Variants in NRG3 observed in about 807,000 individuals in gnomAD.
The protein encoded by NRG3 is pro-neuregulin-3, membrane-bound isoform.
A neutral mutation model predicts 66.9 loss-of-function variants in NRG3; 31 were observed. That is an observed-to-expected ratio of 0.46 (90% CI 0.35 to 0.63). The LOEUF (loss-of-function observed/expected upper bound fraction) is 0.63, where lower values mean the gene tolerates loss of function less well. Ranked by LOEUF, NRG3 falls within the 20% of genes least tolerant of loss-of-function variation. The probability of loss-of-function intolerance (pLI) is 0.00; values close to 1 mark genes in which losing one functional copy is unlikely to be tolerated. For synonymous variants in NRG3, 393 were observed against 359.4 expected (o/e 1.09, Z -1.06); for missense variants, 910 against 878.9 (o/e 1.04, Z -0.45).
chr10:82,871,903 CCTTTT>C (rs1841379755), intron 4 of NRG3, among the ~76,000 whole-genome samples: 1 of 151,976 alleles, frequency 6.6e-6, no homozygotes. Flanking sequence ...CATTTTGTTT[CCTTTT>C]CTTATCTTAT....
At chr10:82,256,656 C>T (rs1457482737) in intron 1 of NRG3, among the ~76,000 whole-genome samples, 1 of 152,184 alleles carries the variant, frequency 6.6e-6, no homozygotes, top group African/African-American at 2.4e-5. Flanking sequence ...TCCTAATTCT[C>T]TTCTGAAAAT....
intron 1 of NRG3, among the ~76,000 whole-genome samples, chr10:82,102,119 TATATATGTGTATTC>T (rs1197876547): frequency 0.07 from 1,231 of 17,472 alleles, 38 homozygotes; most frequent in Admixed American, 0.12. Flanking sequence ...TATTCATATA[TATATATGTGTATTC>T]ATATATATAT....
chr10:82,582,798 A>G (rs1291632844), intron 2 of NRG3, among the ~76,000 whole-genome samples: 1 of 152,098 alleles, frequency 6.6e-6, no homozygotes, highest in Non-Finnish European at 1.5e-5. Context: ...TTTATATAGC[A>G]TCATGGTCAA....
intron 1 of NRG3, among the ~76,000 whole-genome samples, chr10:82,319,775 G>C (rs972941422): frequency 6.6e-6 from 1 of 152,182 alleles, no homozygotes; most frequent in African/African-American, 2.4e-5. Context: ...AGAGTGGGAG[G>C]AGCTGATGGA....
chr10:82,439,756 T>G (rs2090336344), intron 2 of NRG3, among the ~76,000 whole-genome samples: 1 of 152,044 alleles, frequency 6.6e-6, no homozygotes. Context: ...AAAATTAATT[T>G]GGTCATGGTG....
chr10:82,060,378 C>T (rs1589956592), intron 1 of NRG3, among the ~76,000 whole-genome samples: 1 of 152,094 alleles, frequency 6.6e-6, no homozygotes. Context: ...TTACTGTGTG[C>T]CATAAAGTGC....
intron 8 of NRG3, among the ~76,000 whole-genome samples, chr10:82,983,668 T>A (rs1196539040): frequency 2.0e-5 from 3 of 152,232 alleles, no homozygotes; most frequent in South Asian, 2.1e-4. Flanking sequence ...CAAGGTTTTT[T>A]AAAAATAAAA....
At chr10:82,895,498 T>TTG in intron 4 of NRG3, among the ~76,000 whole-genome samples, 1 of 150,806 alleles carries the variant, frequency 6.6e-6, no homozygotes, top group South Asian at 2.1e-4. Flanking sequence ...TTTTTTTTTT[T>TTG]TTTTTGAGAC....
At chr10:82,449,372 T>G (rs1235710086) in intron 2 of NRG3, among the ~76,000 whole-genome samples, 3 of 152,236 alleles carry the variant, frequency 2.0e-5, no homozygotes, top group Non-Finnish European at 4.4e-5. Context: ...GCCAGGTTTT[T>G]TGTTATCCTT....
chr10:82,670,710 TG>T (rs1267766038), intron 2 of NRG3, among the ~76,000 whole-genome samples: 1 of 152,108 alleles, frequency 6.6e-6, no homozygotes, highest in African/African-American at 2.4e-5. Flanking sequence ...TACATTTTCT[TG>T]GCTCTCTTCA....
chr10:82,687,565 T>A (rs2054608531), intron 2 of NRG3, among the ~76,000 whole-genome samples: 1 of 152,128 alleles, frequency 6.6e-6, no homozygotes, highest in South Asian at 2.1e-4. Context: ...TGGACTAAAT[T>A]CTGAAGAGTG....
intron 2 of NRG3, among the ~76,000 whole-genome samples, chr10:82,716,778 G>A (rs960598070): frequency 1.3e-5 from 2 of 152,212 alleles, no homozygotes; most frequent in African/African-American, 4.8e-5. Flanking sequence ...ACTGATTGCT[G>A]CTGATTGCAA....
intron 1 of NRG3, among the ~76,000 whole-genome samples, chr10:82,340,196 A>G (rs914473362): frequency 6.6e-6 from 1 of 152,164 alleles, no homozygotes; most frequent in Non-Finnish European, 1.5e-5. Flanking sequence ...CCAAATGAGA[A>G]CACCATAGAA....
At chr10:82,406,196 T>G (rs563532327) in intron 2 of NRG3, among the ~76,000 whole-genome samples, 20 of 152,350 alleles carry the variant, frequency 1.3e-4, no homozygotes, top group African/African-American at 4.8e-4. Context: ...TATTGCTGAT[T>G]CACATATGAA....
chr10:81,938,971 G>A (rs1417606204), intron 1 of NRG3, among the ~76,000 whole-genome samples: 1 of 151,868 alleles, frequency 6.6e-6, no homozygotes, highest in Non-Finnish European at 1.5e-5. Context: ...TCATGAAAGG[G>A]TACTTAATTT....
intron 3 of NRG3, among the ~76,000 whole-genome samples, chr10:82,852,756 A>G (rs2063624067): frequency 6.6e-6 from 1 of 152,234 alleles, no homozygotes; most frequent in Non-Finnish European, 1.5e-5. Context: ...CACATCGAAA[A>G]GGTTATCACA....
chr10:82,454,573 A>G lies in NRG3; in HGVS notation c.953+95705A>G, dbSNP rs548724460. 2.6e-5 allele frequency among the ~76,000 whole-genome samples: 4 copies of G among 152,358 alleles called. No individual in the cohort carries two copies. The South Asian group carries it at 6.2e-4, about 24-fold the overall frequency. On this transcript the variant is annotated intron_variant, in intron 2 of 8. Coordinates refer to ENST00000372141, the MANE Select transcript of NRG3 (RefSeq NM_001010848.4). ...TTTACAATGAATGAGGAGAAGATCA[A>G]TTACTTCATATATACTGCACAACCA...
At chr10:82,297,223 A>T (rs1178072013) in intron 1 of NRG3, among the ~76,000 whole-genome samples, 1 of 152,166 alleles carries the variant, frequency 6.6e-6, no homozygotes, top group Non-Finnish European at 1.5e-5. Context: ...TGCTATTGTG[A>T]ATAGTGCTAC....
chr10:82,297,799 G>GT (rs1303832205), intron 1 of NRG3, among the ~76,000 whole-genome samples: 4 of 152,044 alleles, frequency 2.6e-5, no homozygotes, highest in Non-Finnish European at 4.4e-5. Flanking sequence ...ACATTGTATT[G>GT]TTTTTTTCCT....
Sources: allele counts gnomAD v4.1 joint callset (sites outside exome capture counted in the v4.1 genomes callset), GRCh38; gene constraint gnomAD v4.1.1; transcripts MANE v1.5; gene names NCBI Gene and HGNC (gene_info 2026-07-23, HGNC 2026-07-21).